Variants in PDIA5 observed in about 807,000 individuals in gnomAD.
The protein encoded by PDIA5 is protein disulfide isomerase family A member 5, also known as protein disulfide-isomerase A5.
Under a neutral mutation model 77.6 loss-of-function variants are expected in PDIA5, and 58 were observed. The observed-to-expected ratio is 0.75, with a 90% CI of 0.61 to 0.93. The LOEUF is 0.93. Among genes scored for constraint, PDIA5 ranks in the 40% least tolerant of loss-of-function variants. PDIA5 has a pLI of 0.00. For missense variants in PDIA5, 630 were observed against 647.7 expected (o/e 0.97, Z 0.30); for synonymous variants, 250 against 252.1 (o/e 0.99, Z 0.08).
At chr3:123,073,390 G>C (rs1243135721) in intron 1 of PDIA5, among the ~76,000 whole-genome samples, 1 of 152,170 alleles carries the variant, frequency 6.6e-6, no homozygotes, top group African/African-American at 2.4e-5. Context: ...AGCTGCGTTG[G>C]CAGCCATTTT....
intron 10 of PDIA5, among the ~76,000 whole-genome samples, chr3:123,128,815 A>G (rs1935302681): frequency 6.6e-6 from 1 of 152,214 alleles, no homozygotes; most frequent in South Asian, 2.1e-4. Flanking sequence ...TATACCCTAG[A>G]ATTTACAACT....
chr3:123,097,978 G>A (rs888558852), intron 3 of PDIA5, among the ~76,000 whole-genome samples: 4 of 152,290 alleles, frequency 2.6e-5, no homozygotes, highest in East Asian at 3.9e-4. Flanking sequence ...GTGGTCTCCC[G>A]TGGACATGAG....
intron 8 of PDIA5, among the ~76,000 whole-genome samples, chr3:123,118,834 A>G (rs1486338815): frequency 2.0e-5 from 3 of 152,194 alleles, no homozygotes; most frequent in Non-Finnish European, 4.4e-5. Flanking sequence ...GCTCTATATT[A>G]AAAGTGATGG....
intron 8 of PDIA5, among the ~76,000 whole-genome samples, chr3:123,120,996 G>A (rs1935102671): frequency 6.6e-6 from 1 of 152,172 alleles, no homozygotes; most frequent in African/African-American, 2.4e-5. Context: ...TTTGAGGGTT[G>A]CTTTCTTACT....
At chr3:123,110,024 A>G (rs542700367) in intron 6 of PDIA5, among the ~76,000 whole-genome samples, 136 of 152,334 alleles carry the variant, frequency 8.9e-4, no homozygotes, top group Non-Finnish European at 1.7e-3. Flanking sequence ...CAAAAGAGAA[A>G]ACCCTCTCAT....
intron 8 of PDIA5, among the ~76,000 whole-genome samples, chr3:123,117,975 G>A (rs1935033454): frequency 6.6e-6 from 1 of 152,178 alleles, no homozygotes; most frequent in Admixed American, 6.5e-5. Context: ...CAATAGTGTG[G>A]CCAAAGCCCC....
intron 3 of PDIA5, among the ~76,000 whole-genome samples, chr3:123,095,730 C>T (rs1332436454): frequency 1.6e-5 from 2 of 127,072 alleles, no homozygotes; most frequent in African/African-American, 6.2e-5. Context: ...GCTTGGGCTA[C>T]AAGAGCAAAA....
At chr3:123,132,181 G>A (rs1342430225) in intron 11 of PDIA5, among the ~76,000 whole-genome samples, 6 of 152,136 alleles carry the variant, frequency 3.9e-5, no homozygotes, top group South Asian at 2.1e-4. Flanking sequence ...GACCACCCAC[G>A]GCTCCGTGAG....
chr3:123,074,351 T>C (rs1933795989), intron 1 of PDIA5, among the ~76,000 whole-genome samples: 1 of 152,204 alleles, frequency 6.6e-6, no homozygotes, highest in African/African-American at 2.4e-5. Context: ...AGAGAATGTA[T>C]AACAGGGATC....
chr3:123,100,331 A>G (rs1934552792), intron 3 of PDIA5, among the ~76,000 whole-genome samples: 4 of 152,258 alleles, frequency 2.6e-5, no homozygotes, highest in Admixed American at 2.6e-4. Flanking sequence ...CAGTTGTCAG[A>G]AGAGGCATGC....
At chr3:123,092,303 T>C in intron 2 of PDIA5, 52 bp from the exon 3 acceptor site, 1 of 1,444,088 alleles carries the variant, frequency 6.9e-7, no homozygotes, top group Middle Eastern at 1.7e-4. Context: ...ATAGCAGACA[T>C]GACCCAGTGC....
At chr3:123,149,584 C>A (rs199640941) in intron 13 of PDIA5, among the ~76,000 whole-genome samples, 4 of 72,192 alleles carry the variant, frequency 5.5e-5, no homozygotes, top group African/African-American at 1.9e-4. Context: ...GACTGAGAAG[C>A]AATAACATTT....
Position 123,089,276 on chromosome 3 carries a change from G to A in PDIA5, c.151G>A (p.Val51Met). The change falls in exon 2 of 17, where the codon GTG becomes ATG. Residue 51 changes from valine to methionine, a missense_variant. By Grantham distance (21) the Val-to-Met change is conservative. Coordinates refer to ENST00000316218, the MANE Select transcript of PDIA5 (RefSeq NM_006810.4). ...KLLRTRNNVL[V>M]LYSKSEVAAE... ...GCTCAGAACCCGGAATAATGTACTG[G>A]TGCTTTACTCCAAATCTGGTGAGTG... The A allele has an allele frequency of 6.2e-7, 1 of 1,614,194 alleles. No individual in the cohort carries two copies. Among genetic ancestry groups the A allele is most frequent in the Non-Finnish European group, 8.5e-7 (1 of 1,180,004 alleles).
chr3:123,084,620 T>C (rs1934087847), intron 1 of PDIA5, among the ~76,000 whole-genome samples: 1 of 152,152 alleles, frequency 6.6e-6, no homozygotes, highest in East Asian at 1.9e-4. Flanking sequence ...CTGAGCCTAT[T>C]ATCATCTTCC....
intron 6 of PDIA5, among the ~76,000 whole-genome samples, chr3:123,108,740 G>T (rs958964443): frequency 1.3e-5 from 2 of 151,920 alleles, no homozygotes; most frequent in Non-Finnish European, 2.9e-5. Context: ...AAAAAAATTA[G>T]CCAGGCATGG....
chr3:123,145,924 G>T (rs1976714), intron 12 of PDIA5, among the ~76,000 whole-genome samples, 175 bp from the exon 13 acceptor site: 49,340 of 152,108 alleles, frequency 0.32, 8,420 homozygotes, highest in East Asian at 0.65. Context: ...AATGAGAAAT[G>T]ATGGCCGTGC....
intron 1 of PDIA5, among the ~76,000 whole-genome samples, chr3:123,081,136 C>G (rs1236189019): frequency 1.3e-5 from 2 of 152,166 alleles, no homozygotes; most frequent in Non-Finnish European, 2.9e-5. Flanking sequence ...TTGCGGGTGG[C>G]CACATGCCCA....
chr3:123,094,699 C>T (rs995563061), intron 3 of PDIA5, among the ~76,000 whole-genome samples: 12 of 152,218 alleles, frequency 7.9e-5, no homozygotes, highest in South Asian at 2.1e-4. Flanking sequence ...TGCTGTCTGC[C>T]GAGGAACGAG....
intron 3 of PDIA5, among the ~76,000 whole-genome samples, chr3:123,095,706 G>A (rs986161113): frequency 3.4e-5 from 5 of 145,086 alleles, no homozygotes; most frequent in Admixed American, 7.1e-5. Context: ...CCGAGATCAC[G>A]CCATCGCACT....
Sources: allele counts gnomAD v4.1 joint callset (sites outside exome capture counted in the v4.1 genomes callset), GRCh38; gene constraint gnomAD v4.1.1; transcripts MANE v1.5; gene names NCBI Gene and HGNC (gene_info 2026-07-23, HGNC 2026-07-21).